EEF2K: variants seen among roughly 807,000 people sequenced by gnomAD.
The protein encoded by EEF2K is eukaryotic elongation factor 2 kinase.
A neutral mutation model predicts 93.8 loss-of-function variants in EEF2K; 70 were observed. The ratio of observed to expected loss-of-function variants is 0.75; its 90% CI spans 0.62 to 0.91. The LOEUF is 0.91. Ranked by LOEUF, EEF2K falls within the 40% of genes least tolerant of loss-of-function variation. The pLI, the probability that EEF2K is intolerant of heterozygous loss-of-function variation, is 0.00. For synonymous variants in EEF2K, 376 were observed against 380.8 expected, an observed-to-expected ratio of 0.99 and a Z score of 0.15; for missense variants, 935 against 972.9, an observed-to-expected ratio of 0.96 and a Z score of 0.52.
chr16:22,259,496 C>T (rs1325799448), intron 10 of EEF2K, among the ~76,000 whole-genome samples: 1 of 152,066 alleles, frequency 6.6e-6, no homozygotes, highest in Non-Finnish European at 1.5e-5. Context: ...TTTAAAAGGT[C>T]AGAGAGTAAA....
intron 6 of EEF2K, among the ~76,000 whole-genome samples, chr16:22,255,256 C>A (rs972979939): frequency 6.6e-6 from 1 of 152,076 alleles, no homozygotes; most frequent in South Asian, 2.1e-4. Context: ...GCAAACAGAC[C>A]CACAAAATAT....
At chr16:22,253,231 A>T (rs1301546041) in intron 6 of EEF2K, among the ~76,000 whole-genome samples, 1 of 152,180 alleles carries the variant, frequency 6.6e-6, no homozygotes, top group Non-Finnish European at 1.5e-5. Context: ...TTGAGGAAGG[A>T]TCCATGCCTC....
intron 16 of EEF2K, 144 bp downstream of exon 16, chr16:22,273,894 C>G: frequency 8.1e-7 from 1 of 1,233,082 alleles, no homozygotes; most frequent in Non-Finnish European, 1.1e-6. Flanking sequence ...TTTTACCTCC[C>G]TGGCCTCAGT....
Position 22,256,875 on chromosome 16 carries a change from A to G in EEF2K, c.746A>G (p.Asp249Gly). The change falls in exon 7 of 18, where the codon GAC becomes GGC. Residue 249 changes from aspartate to glycine, a missense_variant. Coordinates refer to ENST00000263026, the MANE Select transcript of EEF2K (RefSeq NM_013302.5). ...YNSNSGFVRD[D>G]NIRLTPQAFS... The stretch of plus-strand genomic sequence containing the variant: ...TCCAACTCTGGCTTTGTCCGCGATG[A>G]CAACATCCGCCTGACGCCGCAGGTG... 1 of 1,614,148 alleles carries G rather than the reference A, an allele frequency of 6.2e-7. No homozygotes were observed. The highest frequency in any genetic ancestry group is 8.5e-7 in the Non-Finnish European group (1 of 1,180,034).
At chr16:22,254,523 T>C (rs1246650052) in intron 6 of EEF2K, among the ~76,000 whole-genome samples, 2 of 152,148 alleles carry the variant, frequency 1.3e-5, no homozygotes, top group African/African-American at 4.8e-5. Flanking sequence ...GAGGAGGACA[T>C]GGGAACCAAG....
At chr16:22,269,918 C>T (rs551776404) in intron 15 of EEF2K, among the ~76,000 whole-genome samples, 1 of 151,680 alleles carries the variant, frequency 6.6e-6, no homozygotes, top group East Asian at 1.9e-4. Context: ...GTCCTGTGGA[C>T]ATTTTACCTC....
intron 2 of EEF2K, among the ~76,000 whole-genome samples, chr16:22,228,439 T>C (rs535916541): frequency 1.6e-4 from 24 of 152,182 alleles, no homozygotes; most frequent in African/African-American, 5.5e-4. Flanking sequence ...CTGGCCAACA[T>C]AGTGAAACCC....
At chr16:22,235,361 T>C (rs1174924632) in intron 2 of EEF2K, among the ~76,000 whole-genome samples, 2 of 152,014 alleles carry the variant, frequency 1.3e-5, no homozygotes, top group South Asian at 2.1e-4. Flanking sequence ...CCAGTTTTTT[T>C]CGGCAAGCAA....
chr16:22,207,859 G>A (rs2046878505), intron 1 of EEF2K, among the ~76,000 whole-genome samples: 1 of 152,160 alleles, frequency 6.6e-6, no homozygotes, highest in Admixed American at 6.5e-5. Flanking sequence ...TGTGTAAAGG[G>A]GAGAGGGTTA....
intron 12 of EEF2K, 55 bp downstream of exon 12, chr16:22,263,242 C>T: frequency 1.3e-6 from 2 of 1,526,836 alleles, no homozygotes; most frequent in Middle Eastern, 3.5e-4. Context: ...GTTTATCCTC[C>T]AGGAAAATGA....
At chr16:22,265,083 T>C in intron 13 of EEF2K, 2 of 570,580 alleles carry the variant, frequency 3.5e-6, no homozygotes, top group Non-Finnish European at 3.1e-6. Context: ...TGGGGAGGAT[T>C]AGAGAAGAGC....
chr16:22,258,215 G>A (rs1198158583), intron 9 of EEF2K, among the ~76,000 whole-genome samples: 1 of 152,174 alleles, frequency 6.6e-6, no homozygotes, highest in Non-Finnish European at 1.5e-5. Flanking sequence ...TGGACATAGA[G>A]TGGAATGCTT....
chr16:22,263,269 A>G (rs2047484545), intron 12 of EEF2K, 82 bp downstream of exon 12: 1 of 1,332,188 alleles, frequency 7.5e-7, no homozygotes, highest in African/African-American at 1.5e-5. Flanking sequence ...CCCTTCCTGG[A>G]GGGGGAATAT....
At chr16:22,217,519 C>G (rs1364596540) in intron 1 of EEF2K, among the ~76,000 whole-genome samples, 1 of 152,122 alleles carries the variant, frequency 6.6e-6, no homozygotes, top group Non-Finnish European at 1.5e-5. Context: ...TCTTGGCTCA[C>G]TGCAAACTCT....
intron 6 of EEF2K, 76 bp from the exon 7 acceptor site, chr16:22,256,672 T>G: frequency 6.6e-7 from 1 of 1,526,358 alleles, no homozygotes; most frequent in Non-Finnish European, 8.8e-7. Flanking sequence ...CGAGTTCCTC[T>G]GAGCCCTCCC....
At chr16:22,207,468 C>T (rs2046874431) in intron 1 of EEF2K, among the ~76,000 whole-genome samples, 1 of 152,170 alleles carries the variant, frequency 6.6e-6, no homozygotes, top group Non-Finnish European at 1.5e-5. Flanking sequence ...TGCTCTCTGG[C>T]CCTCGGTTTT....
At chr16:22,211,841 G>A (rs575569055) in intron 1 of EEF2K, among the ~76,000 whole-genome samples, 1 of 152,254 alleles carries the variant, frequency 6.6e-6, no homozygotes, top group South Asian at 2.1e-4. Flanking sequence ...GTTCATTCAT[G>A]CAGCATGCAC....
intron 7 of EEF2K, 102 bp from the exon 8 acceptor site, chr16:22,257,151 C>A: frequency 5.1e-6 from 8 of 1,570,126 alleles, no homozygotes; most frequent in Non-Finnish European, 6.9e-6. Context: ...CTATATAACT[C>A]CTTGAAGAGA....
At chr16:22,242,111 C>T (rs1294761620) in intron 2 of EEF2K, among the ~76,000 whole-genome samples, 5 of 152,118 alleles carry the variant, frequency 3.3e-5, no homozygotes, top group Admixed American at 2.0e-4. Flanking sequence ...ACTACCACCA[C>T]GTAGCCTGGA....
Sources: allele counts gnomAD v4.1 joint callset (sites outside exome capture counted in the v4.1 genomes callset), GRCh38; gene constraint gnomAD v4.1.1; transcripts MANE v1.5; gene names NCBI Gene and HGNC (gene_info 2026-07-23, HGNC 2026-07-21).